The following LIMA1 variants were observed in gnomAD, a reference collection of about 807,000 sequenced individuals.
LIMA1 encodes LIM domain and actin binding 1, also known as LIM domain and actin-binding protein 1.
Under a neutral mutation model 62.6 loss-of-function variants are expected in LIMA1, and 52 were observed. That is an observed-to-expected ratio of 0.83 (90% CI 0.67 to 1.05). LIMA1 has a LOEUF of 1.05. Among genes scored for constraint, LIMA1 ranks in the 50% least tolerant of loss-of-function variants. The probability of loss-of-function intolerance (pLI) is 0.00; values close to 1 mark genes in which losing one functional copy is unlikely to be tolerated. For synonymous variants in LIMA1, 302 were observed against 317.8 expected (o/e 0.95, Z 0.53); for missense variants, 780 against 902.2 (o/e 0.86, Z 1.74).
chr12:50,183,473 G>A lies in LIMA1; in HGVS notation c.1141-1436C>T, dbSNP rs557866725. ...CAAGGCCCAGGACCTGGATAGTTAA[G>A]CCTGAAATGAACCAGGTTATGGGCA... On this transcript the variant is annotated intron_variant, in intron 9 of 10. Transcript: ENST00000341247. Among the ~76,000 whole-genome samples, 15 of 152,220 alleles carry A rather than the reference G, an allele frequency of 9.9e-5. No individual in the cohort carries two copies. The South Asian group carries it at 3.1e-3, about 32-fold the overall frequency.
intron 2 of LIMA1, among the ~76,000 whole-genome samples, chr12:50,236,762 G>A (rs1028422090): frequency 4.6e-5 from 7 of 151,418 alleles, no homozygotes; most frequent in African/African-American, 1.2e-4. Flanking sequence ...ACACGCACAC[G>A]CACACAGCTA....
chr12:50,251,775 A>T (rs938719974), intron 1 of LIMA1, among the ~76,000 whole-genome samples: 6 of 152,188 alleles, frequency 3.9e-5, no homozygotes, highest in African/African-American at 1.4e-4. Context: ...AAAAGTCAGA[A>T]CATCTATTTT....
At chr12:50,206,198 T>C in intron 4 of LIMA1, 130 bp from the exon 5 acceptor site, 1 of 683,160 alleles carries the variant, frequency 1.5e-6, no homozygotes, top group Non-Finnish European at 2.3e-6. Context: ...ATAGAATTTT[T>C]TTTAAATTAC....
chr12:50,185,653 A>T (rs1486297464), intron 9 of LIMA1: 1 of 361,504 alleles, frequency 2.8e-6, no homozygotes, highest in Non-Finnish European at 5.4e-6. Flanking sequence ...ATCCCAGCTC[A>T]GGAGAGCGAG....
chr12:50,225,979 A>C (rs1042906579), intron 3 of LIMA1, among the ~76,000 whole-genome samples: 52 of 152,216 alleles, frequency 3.4e-4, no homozygotes, highest in African/African-American at 1.2e-3. Flanking sequence ...ATTTACATTT[A>C]TCTGATCATC....
At chr12:50,224,822 C>G (rs1941501346) in intron 3 of LIMA1, among the ~76,000 whole-genome samples, 1 of 151,772 alleles carries the variant, frequency 6.6e-6, no homozygotes, top group African/African-American at 2.4e-5. Context: ...TGTTTGACTT[C>G]CTGGGCTCAA....
intron 1 of LIMA1, among the ~76,000 whole-genome samples, chr12:50,280,667 T>C (rs1391567009): frequency 6.6e-6 from 1 of 152,160 alleles, no homozygotes; most frequent in East Asian, 1.9e-4. Context: ...GCACAATAAT[T>C]TGACTGAGTC....
At chr12:50,233,546 CAG>C (rs1405707857) in intron 2 of LIMA1, among the ~76,000 whole-genome samples, 1 of 152,136 alleles carries the variant, frequency 6.6e-6, no homozygotes, top group South Asian at 2.1e-4. Context: ...TTGTTTGAGA[CAG>C]AGTTTCGCTC....
At chr12:50,220,355 C>T (rs939293532) in intron 4 of LIMA1, among the ~76,000 whole-genome samples, 3 of 152,218 alleles carry the variant, frequency 2.0e-5, no homozygotes, top group Non-Finnish European at 2.9e-5. Flanking sequence ...CCACCACGCC[C>T]GGACTAGTAA....
chr12:50,177,143 C>A lies in LIMA1; in HGVS notation c.2201G>T (p.Gly734Val), dbSNP rs780895114. ...CACAGAGAGCTCTTTGACCACTTCT[C>A]CCTCCCAGAGTTCCACATCCTGGGA... ...QKSQDVELWEGEVVKELSVEE... is the reference protein window; with the variant it reads ...QKSQDVELWEVEVVKELSVEE... Residue 734 changes from glycine to valine, a missense_variant, in exon 11 of 11, where the codon GGA becomes GTA. Physicochemically the swap from Gly to Val is moderately radical, Grantham distance 109 (BLOSUM62 -3). Transcript: ENST00000341247. 2.5e-6 allele frequency: 4 copies of A among 1,613,570 alleles called. No individual in the cohort carries two copies. The highest frequency in any genetic ancestry group is 1.7e-5 in the Admixed American group (1 of 59,946).
intron 1 of LIMA1, among the ~76,000 whole-genome samples, chr12:50,255,790 C>T (rs1391539778): frequency 6.6e-6 from 1 of 151,310 alleles, no homozygotes; most frequent in Non-Finnish European, 1.5e-5. Flanking sequence ...AAATACATTG[C>T]TACATAATGT....
intron 9 of LIMA1, chr12:50,186,463 C>CCTGCATACCAAGGTGGTTTGTT (rs1383254106): frequency 6.6e-6 from 1 of 152,562 alleles, no homozygotes; most frequent in Non-Finnish European, 1.5e-5. Flanking sequence ...TGGTTTGACT[C>CCTGCATACCAAGGTGGTTTGTT]CTGCATACCA....
intron 4 of LIMA1, among the ~76,000 whole-genome samples, chr12:50,219,984 C>G (rs763099595): frequency 6.6e-5 from 10 of 151,990 alleles, no homozygotes; most frequent in Non-Finnish European, 1.2e-4. Flanking sequence ...CGTGCCCAGC[C>G]TCTTCCATCT....
intron 1 of LIMA1, among the ~76,000 whole-genome samples, chr12:50,263,483 A>G (rs1032075780): frequency 2.6e-5 from 4 of 152,182 alleles, no homozygotes; most frequent in African/African-American, 9.7e-5. Flanking sequence ...GTTTTGATGA[A>G]AAAGAACAGA....
At chr12:50,262,868 T>C (rs1942089219) in intron 1 of LIMA1, among the ~76,000 whole-genome samples, 4 of 152,034 alleles carry the variant, frequency 2.6e-5, no homozygotes, top group Admixed American at 2.0e-4. Flanking sequence ...CTAAGAAAAA[T>C]GGAAAGACAG....
chr12:50,247,255 C>T (rs1004190732), intron 2 of LIMA1, among the ~76,000 whole-genome samples: 2 of 152,132 alleles, frequency 1.3e-5, no homozygotes, highest in African/African-American at 4.8e-5. Flanking sequence ...TAGTGACTCA[C>T]TTCTAATGAA....
intron 1 of LIMA1, among the ~76,000 whole-genome samples, chr12:50,273,049 CAAA>C (rs767351049): frequency 5.4e-5 from 6 of 112,068 alleles, no homozygotes; most frequent in Admixed American, 9.3e-5. Context: ...GACTCTGTCT[CAAA>C]AAAAAAAAAA....
chr12:50,233,429 G>C (rs1358216492), intron 2 of LIMA1, among the ~76,000 whole-genome samples: 2 of 152,196 alleles, frequency 1.3e-5, no homozygotes, highest in African/African-American at 4.8e-5. Flanking sequence ...TCAGCCAAAT[G>C]GTTGAGAGAT....
chr12:50,190,462 G>A (rs1940733515), intron 9 of LIMA1, among the ~76,000 whole-genome samples: 1 of 150,050 alleles, frequency 6.7e-6, no homozygotes, highest in African/African-American at 2.5e-5. Context: ...CTGCCTCCCA[G>A]GTTCAAGCAA....
Sources: gnomAD v4.1 joint callset for allele counts (sites outside exome capture counted in the v4.1 genomes callset) on GRCh38, gnomAD v4.1.1 for gene constraint, MANE v1.5 for transcripts, NCBI Gene and HGNC (gene_info 2026-07-23, HGNC 2026-07-21) for gene names.